Variants in FAT1 observed in about 807,000 individuals in gnomAD.
FAT1 encodes FAT atypical cadherin 1.
FAT1 carries 171 observed loss-of-function variants against 329.8 expected under a neutral mutation model. The observed-to-expected ratio is 0.52, with a 90% confidence interval of 0.46 to 0.59. FAT1 has a LOEUF of 0.59. Among genes scored for constraint, FAT1 ranks in the 20% least tolerant of loss-of-function variants. The pLI is 0.00. For missense variants in FAT1, 5,672 were observed against 5,774.4 expected, an observed-to-expected ratio of 0.98 and a Z score of 0.57; for synonymous variants, 2,233 against 2,228.6, an observed-to-expected ratio of 1.00 and a Z score of -0.06.
intron 6 of FAT1, among the ~76,000 whole-genome samples, chr4:186,635,521 C>T (rs1740782360): frequency 6.6e-6 from 1 of 152,124 alleles, no homozygotes; most frequent in Non-Finnish European, 1.5e-5. Context: ...TAGCTGGTAC[C>T]ATAACTTTGT....
rs374511634 is a variant in FAT1, at chr4:186,708,402, C to T, written c.1426G>A (p.Val476Met). ...TAYKAAFDEN[V>M]PIGTTVMSLS... is the part of the protein sequence containing the mutation. Reference sequence around the variant, plus strand: ...CTCATGACAGTAGTACCAATGGGCACGTTCTCATCAAAAGCAGCTTTGTAC... The same window carrying T: ...CTCATGACAGTAGTACCAATGGGCATGTTCTCATCAAAAGCAGCTTTGTAC... Residue 476 changes from valine to methionine, a missense_variant, in exon 2 of 27, where the codon GTG becomes ATG. Val to Met is a conservative substitution (Grantham distance 21). Around this residue, in one of 2 missense-constraint regions of FAT1, gnomAD observed 3,966 missense variants for 3,915.2 expected, o/e 1.01. Transcript: ENST00000441802. 102 of 1,613,808 alleles carry T rather than the reference C, an allele frequency of 6.3e-5. No homozygotes were observed. The highest frequency in any genetic ancestry group is 4.7e-4 in the East Asian group (21 of 44,882).
intron 2 of FAT1, among the ~76,000 whole-genome samples, chr4:186,701,110 G>A (rs539511827): frequency 6.6e-6 from 1 of 152,290 alleles, no homozygotes; most frequent in East Asian, 1.9e-4. Context: ...ACGCATCAAC[G>A]TGGTAAACAT....
At chr4:186,640,905 G>C (rs562731826) in intron 3 of FAT1, among the ~76,000 whole-genome samples, 1 of 152,344 alleles carries the variant, frequency 6.6e-6, no homozygotes, top group South Asian at 2.1e-4. Flanking sequence ...CTTAAAACCA[G>C]GTGGAGCCTG....
chr4:186,595,974 A>AGATCAACAT, intron 25 of FAT1, 148 bp from the exon 26 acceptor site: 1 of 794,314 alleles, frequency 1.3e-6, no homozygotes. Context: ...AACACCTTAC[A>AGATCAACAT]AACTCAAACG....
chr4:186,620,511 T>G lies in FAT1; in HGVS notation c.6075A>C (p.Ile2025=), dbSNP rs1407408976. ...HILNPDRRFK[I]SRTSGVLSTT... The stretch of plus-strand genomic sequence containing the variant: ...TTGACAGAACTCCTGAAGTGCGGCT[T>G]ATTTTAAATCTGCGATCTGGGTTGA... Residue 2025 remains isoleucine, a synonymous_variant, in exon 10 of 27, where the codon ATA becomes ATC. Transcript: ENST00000441802. 3 of 1,613,880 alleles carry G rather than the reference T, an allele frequency of 1.9e-6. No individual in the cohort carries two copies. The highest frequency in any genetic ancestry group is 2.5e-6 in the Non-Finnish European group (3 of 1,179,910).
chr4:186,679,254 A>G (rs1343733288), intron 2 of FAT1, among the ~76,000 whole-genome samples: 1 of 151,904 alleles, frequency 6.6e-6, no homozygotes, highest in African/African-American at 2.4e-5. Context: ...AATAACACTA[A>G]AAATACAAAA....
intron 3 of FAT1, among the ~76,000 whole-genome samples, chr4:186,650,706 T>C (rs2126593686): frequency 6.6e-6 from 1 of 152,292 alleles, no homozygotes; most frequent in East Asian, 1.9e-4. Context: ...TAAAAAGGCC[T>C]AATACCAGGA....
intron 1 of FAT1, among the ~76,000 whole-genome samples, chr4:186,720,519 T>C (rs1054462589): frequency 6.6e-6 from 1 of 152,150 alleles, no homozygotes; most frequent in African/African-American, 2.4e-5. Flanking sequence ...TCTGCTTGAA[T>C]TGTTCCCCTC....
At chr4:186,666,597 C>G (rs2126624666) in intron 2 of FAT1, among the ~76,000 whole-genome samples, 1 of 152,238 alleles carries the variant, frequency 6.6e-6, no homozygotes, top group East Asian at 1.9e-4. Context: ...TTTTATCTAC[C>G]TCTTTTGAGT....
Position 186,613,383 on chromosome 4 carries a change from G to A in FAT1, c.9230-41C>T, listed in dbSNP as rs373610400. ...AATGGACTCACTTGTAATTTAAGAC[G>A]TGACTTGCAGTTGTACATCTTATTT... is the stretch of plus-strand genomic sequence containing the variant. On this transcript the variant is annotated intron_variant, in intron 12 of 26. Transcript: ENST00000441802. 1.2e-4 allele frequency: 174 copies of A among 1,463,032 alleles called. 1 individual carries two copies. Among genetic ancestry groups the A allele is most frequent in the East Asian group, 4.5e-5 (2 of 44,150 alleles). The allele number at this position is 1,463,032 out of a possible 1,614,324, so 90.6% of individuals were successfully genotyped here.
At chr4:186,637,956 T>A (rs557276421) in intron 4 of FAT1, among the ~76,000 whole-genome samples, 1 of 152,242 alleles carries the variant, frequency 6.6e-6, no homozygotes, top group South Asian at 2.1e-4. Context: ...TCTCGAAACA[T>A]TTCCTTTTCA....
intron 3 of FAT1, among the ~76,000 whole-genome samples, chr4:186,653,046 T>C (rs1741739686): frequency 6.6e-6 from 1 of 152,182 alleles, no homozygotes; most frequent in African/African-American, 2.4e-5. Context: ...CAGAACACTG[T>C]ATAACGCCGT....
chr4:186,685,205 C>G (rs1227215652), intron 2 of FAT1, among the ~76,000 whole-genome samples: 1 of 152,156 alleles, frequency 6.6e-6, no homozygotes, highest in Non-Finnish European at 1.5e-5. Flanking sequence ...GGCAAAGGCT[C>G]TTCTCACAGG....
At chr4:186,595,930 T>A (rs1579289452) in intron 25 of FAT1, 104 bp from the exon 26 acceptor site, 1 of 1,213,360 alleles carries the variant, frequency 8.2e-7, no homozygotes, top group Non-Finnish European at 1.2e-6. Flanking sequence ...GCCTGAGATT[T>A]ACTCAATAAA....
chr4:186,717,644 T>C (rs1745277593), intron 1 of FAT1, among the ~76,000 whole-genome samples: 1 of 152,234 alleles, frequency 6.6e-6, no homozygotes, highest in African/African-American at 2.4e-5. Context: ...GATGTCCTAT[T>C]TTTCAAACAG....
At chr4:186,693,190 C>T (rs1743868911) in intron 2 of FAT1, among the ~76,000 whole-genome samples, 1 of 152,106 alleles carries the variant, frequency 6.6e-6, no homozygotes, top group African/African-American at 2.4e-5. Context: ...AGTTTTAAGA[C>T]CATATTGATA....
At position 186,620,624 on chromosome 4, in the gene FAT1, C is replaced by T. The variant is rs1739993858; in HGVS notation, c.5962G>A (p.Val1988Met). The change falls in exon 10 of 27, where the codon GTG (valine) becomes ATG (methionine). Residue 1988 changes from valine to methionine, a missense_variant. Val to Met is a conservative substitution (Grantham distance 21). Around this residue, in one of 2 missense-constraint regions of FAT1, gnomAD observed 3,966 missense variants for 3,915.2 expected, o/e 1.01. Coordinates refer to ENST00000441802, the MANE Select transcript of FAT1 (RefSeq NM_005245.4). ...KFTQDVYSAV[V>M]KENSTEAETL... is the part of the protein sequence containing the mutation. ...TCGGCCTCGGTGGAATTCTCTTTCACTACCGCAGAGTAGACATCCTGGGTA... is the reference window on the plus strand; with the variant it reads ...TCGGCCTCGGTGGAATTCTCTTTCATTACCGCAGAGTAGACATCCTGGGTA... The T allele has an allele frequency of 3.7e-6, 6 of 1,613,898 alleles. No homozygotes were observed. Among genetic ancestry groups the T allele is most frequent in the Non-Finnish European group, 4.2e-6 (5 of 1,179,896 alleles).
chr4:186,715,085 A>G (rs78446516), intron 1 of FAT1, among the ~76,000 whole-genome samples: 1 of 149,822 alleles, frequency 6.7e-6, no homozygotes, highest in East Asian at 2.0e-4. Context: ...CTCAAAAACA[A>G]AAAAAAAAGT....
chr4:186,660,560 T>C (rs1579404985), intron 3 of FAT1, among the ~76,000 whole-genome samples: 1 of 152,208 alleles, frequency 6.6e-6, no homozygotes, highest in South Asian at 2.1e-4. Context: ...AGAAAGCCTC[T>C]GTGTGCATTG....
Sources: allele counts gnomAD v4.1 joint callset (sites outside exome capture counted in the v4.1 genomes callset), GRCh38; gene constraint gnomAD v4.1.1; regional missense constraint gnomAD v4.1.1; transcripts MANE v1.5; gene names NCBI Gene and HGNC (gene_info 2026-07-23, HGNC 2026-07-21).